B3GALT1: variants seen among roughly 807,000 people sequenced by gnomAD.
B3GALT1 encodes the protein beta-1,3-galactosyltransferase 1.
Under a neutral mutation model 23.2 loss-of-function variants are expected in B3GALT1, and 10 were observed. That is an observed-to-expected ratio of 0.43 (90% CI 0.27 to 0.73). The LOEUF (loss-of-function observed/expected upper bound fraction) is 0.73, where lower values mean the gene tolerates loss of function less well. B3GALT1 is among the 30% of genes least tolerant of loss of function. The pLI, the probability that B3GALT1 is intolerant of heterozygous loss-of-function variation, is 0.21. For missense variants in B3GALT1, 299 were observed against 405.4 expected, an observed-to-expected ratio of 0.74 and a Z score of 2.25; for synonymous variants, 156 against 141.5, an observed-to-expected ratio of 1.10 and a Z score of -0.73.
chr2:167,811,925 T>TAATC (rs1688897689), intron 3 of B3GALT1, among the ~76,000 whole-genome samples: 1 of 152,234 alleles, frequency 6.6e-6, no homozygotes, highest in African/African-American at 2.4e-5. Context: ...CTATAGGGCA[T>TAATC]AATCATTAAG....
chr2:167,480,044 G>T (rs1055250052), intron 1 of B3GALT1, among the ~76,000 whole-genome samples: 11 of 152,124 alleles, frequency 7.2e-5, no homozygotes, highest in African/African-American at 2.7e-4. Flanking sequence ...GTGAAAGTCT[G>T]TAAAACATCT....
intron 2 of B3GALT1, among the ~76,000 whole-genome samples, chr2:167,504,499 G>C (rs1443611909): frequency 4.6e-5 from 7 of 152,152 alleles, no homozygotes; most frequent in African/African-American, 1.7e-4. Context: ...ATGTGACCAT[G>C]AAAATGCCTC....
chr2:167,547,253 T>C (rs12466155), intron 2 of B3GALT1, among the ~76,000 whole-genome samples: 54,751 of 152,042 alleles, frequency 0.36, 10,637 homozygotes, highest in East Asian at 0.76. Flanking sequence ...TTGGTCAGCC[T>C]GCCCGTTCAA....
chr2:167,546,169 G>A (rs1345867204), intron 2 of B3GALT1, among the ~76,000 whole-genome samples: 1 of 152,158 alleles, frequency 6.6e-6, no homozygotes, highest in Non-Finnish European at 1.5e-5. Flanking sequence ...AATAAAGAGG[G>A]CACAGCAGAG....
At chr2:167,415,656 C>T (rs1698457587) in intron 1 of B3GALT1, among the ~76,000 whole-genome samples, 1 of 152,096 alleles carries the variant, frequency 6.6e-6, no homozygotes, top group Non-Finnish European at 1.5e-5. Context: ...TTTGTAACTC[C>T]TTAGAGATTG....
At chr2:167,579,432 C>CTTTTTTTTTTTTTT (rs71395297) in intron 2 of B3GALT1, among the ~76,000 whole-genome samples, 6 of 109,048 alleles carry the variant, frequency 5.5e-5, no homozygotes, top group East Asian at 3.8e-4. Flanking sequence ...TTTTTTTTGT[C>CTTTTTTTTTTTTTT]TTTTTTTTTT....
chr2:167,856,585 A>G (rs541066609), intron 4 of B3GALT1, among the ~76,000 whole-genome samples: 1 of 152,288 alleles, frequency 6.6e-6, no homozygotes, highest in Middle Eastern at 3.4e-3. Context: ...TGCAGTCAGA[A>G]GGAATCCAAA....
intron 1 of B3GALT1, among the ~76,000 whole-genome samples, chr2:167,364,362 A>G (rs1481451958): frequency 6.7e-6 from 1 of 148,928 alleles, no homozygotes; most frequent in Non-Finnish European, 1.5e-5. Flanking sequence ...TTTTTTTATT[A>G]TACTTTAAGT....
At chr2:167,319,810 C>T (rs546935717) in intron 1 of B3GALT1, among the ~76,000 whole-genome samples, 22 of 152,072 alleles carry the variant, frequency 1.4e-4, no homozygotes, top group Non-Finnish European at 2.9e-4. Flanking sequence ...TTACTGCATG[C>T]CAAGGTCCTG....
chr2:167,446,127 T>G lies in B3GALT1; in HGVS notation c.-510-44050T>G, dbSNP rs140332175. ...CTATTTCTCCTTCACTTATGAAACT[T>G]AGTTTGGCTGGATATGAAATTCTGG... On this transcript the variant is annotated intron_variant, in intron 1 of 4. Transcript: ENST00000392690. Among the ~76,000 whole-genome samples the G allele has an allele frequency of 5.8e-4, 89 of 152,328 alleles. No individual in the cohort carries two copies. The East Asian group carries it at 0.016, about 27-fold the overall frequency.
intron 4 of B3GALT1, among the ~76,000 whole-genome samples, chr2:167,839,333 C>T (rs1321529282): frequency 3.9e-5 from 6 of 151,946 alleles, no homozygotes; most frequent in Non-Finnish European, 8.8e-5. Context: ...AGCAAAGTCT[C>T]AGGATACAAA....
chr2:167,770,659 T>C (rs912162458), intron 3 of B3GALT1, among the ~76,000 whole-genome samples: 4 of 152,182 alleles, frequency 2.6e-5, no homozygotes, highest in African/African-American at 9.7e-5. Flanking sequence ...TCATAGATCA[T>C]ACTATTTCCA....
At chr2:167,676,586 G>C (rs1686431463) in intron 3 of B3GALT1, among the ~76,000 whole-genome samples, 1 of 151,596 alleles carries the variant, frequency 6.6e-6, no homozygotes, top group African/African-American at 2.4e-5. Context: ...TTTTGAGACA[G>C]AGCCTCGCTT....
intron 3 of B3GALT1, among the ~76,000 whole-genome samples, chr2:167,652,153 A>G (rs1685880656): frequency 6.6e-6 from 1 of 152,214 alleles, no homozygotes; most frequent in South Asian, 2.1e-4. Context: ...TACCCAGCAC[A>G]ATCTCAACAG....
At chr2:167,773,011 T>C (rs1160310135) in intron 3 of B3GALT1, among the ~76,000 whole-genome samples, 1 of 152,186 alleles carries the variant, frequency 6.6e-6, no homozygotes, top group Non-Finnish European at 1.5e-5. Flanking sequence ...AATATCCTAT[T>C]AATTGTGGCA....
At chr2:167,565,831 C>T (rs1684152177) in intron 2 of B3GALT1, among the ~76,000 whole-genome samples, 1 of 151,746 alleles carries the variant, frequency 6.6e-6, no homozygotes, top group Non-Finnish European at 1.5e-5. Context: ...GAATGGCATT[C>T]ATTAAAAAGT....
chr2:167,596,261 G>C (rs886175718), intron 2 of B3GALT1, among the ~76,000 whole-genome samples: 1 of 152,278 alleles, frequency 6.6e-6, no homozygotes, highest in Admixed American at 6.5e-5. Flanking sequence ...CTAATAACAG[G>C]AAGTACCTAA....
intron 1 of B3GALT1, among the ~76,000 whole-genome samples, chr2:167,446,047 A>C (rs1161338509): frequency 2.0e-5 from 3 of 152,190 alleles, no homozygotes; most frequent in Non-Finnish European, 2.9e-5. Flanking sequence ...GAGCTCTTCT[A>C]AGGCAGACCT....
intron 3 of B3GALT1, among the ~76,000 whole-genome samples, chr2:167,698,176 T>C (rs1445444141): frequency 2.0e-5 from 3 of 152,182 alleles, no homozygotes; most frequent in Non-Finnish European, 4.4e-5. Context: ...AGTAGTTCTA[T>C]GGAAAGAAGG....
Sources: allele counts gnomAD v4.1 joint callset (sites outside exome capture counted in the v4.1 genomes callset), GRCh38; gene constraint gnomAD v4.1.1; transcripts MANE v1.5; gene names NCBI Gene and HGNC (gene_info 2026-07-23, HGNC 2026-07-21).